The following RIT2 variants were observed in gnomAD, a reference collection of about 807,000 sequenced individuals.
The protein encoded by RIT2 is GTP-binding protein Rit2.
A neutral mutation model predicts 23.7 loss-of-function variants in RIT2; 24 were observed. The observed-to-expected ratio is 1.01, with a 90% CI of 0.73 to 1.43. RIT2 has a LOEUF of 1.43. Among genes scored for constraint, RIT2 ranks in the 40% most tolerant of loss-of-function variants. The probability of loss-of-function intolerance (pLI) is 0.00; values close to 1 mark genes in which losing one functional copy is unlikely to be tolerated. For synonymous variants in RIT2, 107 were observed against 91.1 expected (o/e 1.17, Z -0.99); for missense variants, 236 against 266.9 (o/e 0.88, Z 0.81).
At chr18:42,859,961 C>G (rs1907283936) in intron 4 of RIT2, among the ~76,000 whole-genome samples, 1 of 150,956 alleles carries the variant, frequency 6.6e-6, no homozygotes, top group Non-Finnish European at 1.5e-5. Context: ...CCCCTCTACA[C>G]ATTTCATTTC....
At chr18:42,942,718 A>T (rs1388239873) in intron 3 of RIT2, among the ~76,000 whole-genome samples, 5 of 151,850 alleles carry the variant, frequency 3.3e-5, no homozygotes, top group African/African-American at 1.2e-4. Context: ...CAGCAATGGG[A>T]TGGTGTTAGT....
At chr18:42,960,438 CT>C (rs757314616) in intron 3 of RIT2, among the ~76,000 whole-genome samples, 10 of 152,288 alleles carry the variant, frequency 6.6e-5, no homozygotes, top group Non-Finnish European at 1.0e-4. Flanking sequence ...CCTCTGCCTC[CT>C]GAGTAGCTGG....
chr18:43,019,285 CA>C (rs940086693), intron 2 of RIT2, among the ~76,000 whole-genome samples: 2 of 151,624 alleles, frequency 1.3e-5, no homozygotes, highest in Non-Finnish European at 2.9e-5. Flanking sequence ...CAAAAATTCT[CA>C]AAAAAATACT....
intron 4 of RIT2, among the ~76,000 whole-genome samples, chr18:42,781,388 C>T (rs1913807965): frequency 6.6e-6 from 1 of 152,068 alleles, no homozygotes; most frequent in African/African-American, 2.4e-5. Flanking sequence ...CTAAGAAGAA[C>T]AGATTGAAAT....
intron 4 of RIT2, among the ~76,000 whole-genome samples, chr18:42,746,450 G>T (rs1912918541): frequency 1.3e-5 from 2 of 152,090 alleles, no homozygotes; most frequent in South Asian, 2.1e-4. Context: ...CATGAAGAAA[G>T]CTGCTATAGT....
chr18:43,025,222 A>T (rs1292331596), intron 2 of RIT2, among the ~76,000 whole-genome samples: 1 of 145,758 alleles, frequency 6.9e-6, no homozygotes, highest in Non-Finnish European at 1.5e-5. Flanking sequence ...AAAACAAAAC[A>T]AAACAAAAAA....
intron 4 of RIT2, among the ~76,000 whole-genome samples, chr18:42,830,341 T>A (rs1296397784): frequency 6.6e-6 from 1 of 152,196 alleles, no homozygotes; most frequent in African/African-American, 2.4e-5. Context: ...CTAGTCACAG[T>A]AAACATTTGG....
intron 1 of RIT2, among the ~76,000 whole-genome samples, chr18:43,107,446 C>CG (rs1913850120): frequency 6.6e-6 from 1 of 152,134 alleles, no homozygotes; most frequent in African/African-American, 2.4e-5. Context: ...CATACACACA[C>CG]AAACACTCTT....
intron 1 of RIT2, among the ~76,000 whole-genome samples, chr18:43,103,357 C>T (rs1913733123): frequency 6.6e-6 from 1 of 152,050 alleles, no homozygotes; most frequent in African/African-American, 2.4e-5. Context: ...AAAAGAAAGA[C>T]AATATAAAAT....
intron 4 of RIT2, among the ~76,000 whole-genome samples, chr18:42,753,725 T>G (rs2143887579): frequency 6.6e-6 from 1 of 152,326 alleles, no homozygotes; most frequent in East Asian, 1.9e-4. Context: ...TTTTTTCTAT[T>G]TTCATTTTGT....
At chr18:43,016,433 T>C (rs1227388902) in intron 2 of RIT2, among the ~76,000 whole-genome samples, 1 of 151,822 alleles carries the variant, frequency 6.6e-6, no homozygotes, top group African/African-American at 2.4e-5. Context: ...TCAGATTGGA[T>C]CAATAACTTG....
intron 4 of RIT2, among the ~76,000 whole-genome samples, chr18:42,830,466 T>C (rs1906425322): frequency 6.6e-6 from 1 of 152,190 alleles, no homozygotes; most frequent in African/African-American, 2.4e-5. Context: ...CTTCACTCAG[T>C]TGCTGAGGAA....
At chr18:42,846,424 A>C (rs73470101) in intron 4 of RIT2, among the ~76,000 whole-genome samples, 21,976 of 151,968 alleles carry the variant, frequency 0.14, 1,667 homozygotes, top group Middle Eastern at 0.26. Flanking sequence ...AAAAACATAA[A>C]CTTACATAAA....
chr18:43,018,660 T>C (rs925957149), intron 2 of RIT2, among the ~76,000 whole-genome samples: 1 of 151,378 alleles, frequency 6.6e-6, no homozygotes, highest in Non-Finnish European at 1.5e-5. Flanking sequence ...CAAAAACAAA[T>C]AAACAAACAA....
At chr18:43,105,450 A>AAGGAAGGG (rs1258433819) in intron 1 of RIT2, among the ~76,000 whole-genome samples, 1,454 of 67,170 alleles carry the variant, frequency 0.022, 33 homozygotes, top group South Asian at 0.042. Flanking sequence ...GGAACAAAAA[A>AAGGAAGGG]AGGAAGGGAG....
At chr18:42,991,210 A>T (rs534232281) in intron 2 of RIT2, among the ~76,000 whole-genome samples, 2 of 152,264 alleles carry the variant, frequency 1.3e-5, no homozygotes, top group African/African-American at 4.8e-5. Context: ...CCCCTTTTGC[A>T]TAGAGGTTAC....
Position 42,749,584 on chromosome 18 carries a change from G to A in RIT2, c.427-5864C>T, listed in dbSNP as rs567194455. On this transcript the variant is annotated intron_variant, in intron 4 of 4. Transcript: ENST00000326695. ...AGCCCAGGAAAGACAGATTAAGGGTGATGAAGAAAAATAAGTCATAAATAA... is the reference window on the plus strand; with the variant it reads ...AGCCCAGGAAAGACAGATTAAGGGTAATGAAGAAAAATAAGTCATAAATAA... 2.0e-5 allele frequency among the ~76,000 whole-genome samples: 3 copies of A among 151,844 alleles called. No individual in the cohort carries two copies. In the South Asian group the frequency reaches 6.2e-4, roughly 32 times the overall value.
intron 4 of RIT2, among the ~76,000 whole-genome samples, chr18:42,901,790 G>A (rs1221190063): frequency 6.6e-6 from 1 of 151,926 alleles, no homozygotes; most frequent in South Asian, 2.1e-4. Context: ...GCTTTAGATT[G>A]CACATTGTAA....
chr18:42,980,050 T>C (rs1204950920), intron 2 of RIT2, among the ~76,000 whole-genome samples: 1 of 152,110 alleles, frequency 6.6e-6, no homozygotes, highest in Non-Finnish European at 1.5e-5. Flanking sequence ...AGAAGTTGCA[T>C]GAGATCTGAT....
Sources: gnomAD v4.1 joint callset for allele counts (sites outside exome capture counted in the v4.1 genomes callset) on GRCh38, gnomAD v4.1.1 for gene constraint, MANE v1.5 for transcripts, NCBI Gene and HGNC (gene_info 2026-07-23, HGNC 2026-07-21) for gene names.